The following SBNO2 variants were observed in gnomAD, a reference collection of about 807,000 sequenced individuals.
SBNO2 encodes strawberry notch homolog 2, also known as protein strawberry notch homolog 2.
SBNO2 carries 89 observed loss-of-function variants against 146.3 expected under a neutral mutation model. The observed-to-expected ratio is 0.61, with a 90% CI of 0.51 to 0.73. SBNO2 has a LOEUF of 0.73. Ranked by LOEUF, SBNO2 falls within the 30% of genes least tolerant of loss-of-function variation. The pLI is 0.00. For missense variants in SBNO2, 2,092 were observed against 2,003.7 expected (o/e 1.04, Z -0.84); for synonymous variants, 1,147 against 892.6 (o/e 1.29, Z -5.08).
At chr19:1,123,770 G>T in intron 6 of SBNO2, 131 bp from the exon 7 acceptor site, 1 of 1,076,016 alleles carries the variant, frequency 9.3e-7, no homozygotes, top group South Asian at 1.5e-5. Flanking sequence ...GGCTCTGTCT[G>T]CCCCTGCAGC....
In SBNO2 at chr19:1,108,279, C is replaced by T; in HGVS notation, c.4042G>A (p.Glu1348Lys). 2 of 1,510,706 alleles carry T rather than the reference C, an allele frequency of 1.3e-6. No individual in the cohort carries two copies. Among genetic ancestry groups the T allele is most frequent in the Non-Finnish European group, 1.8e-6 (2 of 1,127,760 alleles). The allele number at this position is 1,510,706 out of a possible 1,614,324, so 93.6% of individuals were successfully genotyped here. A position where few individuals can be genotyped will look rare whatever the true frequency, so the allele number is the denominator to read the frequency against. The change falls in exon 32 of 32, where the codon GAG (glutamate) becomes AAG (lysine). Residue 1348 changes from glutamate (E) to lysine (K), a missense_variant. By Grantham distance (56) the Glu-to-Lys change is moderately conservative (BLOSUM62 1). Coordinates refer to ENST00000361757, the MANE Select transcript of SBNO2 (RefSeq NM_014963.3). ...GAGGAAGGGPERQSVIQFSPP... is the reference protein window; with the variant it reads ...GAGGAAGGGPKRQSVIQFSPP... ...CTGAACTGGATCACGCTCTGCCGCT[C>T]GGGACCACCGCCCGCCGCGCCCCCC... is the stretch of plus-strand genomic sequence containing the variant.
chr19:1,162,099 A>G (rs1170657867), intron 1 of SBNO2, among the ~76,000 whole-genome samples: 3 of 145,602 alleles, frequency 2.1e-5, no homozygotes, highest in African/African-American at 7.7e-5. Context: ...CACAGGGCTC[A>G]GGGACCACTC....
chr19:1,108,749 G>A (rs1276204765), intron 31 of SBNO2, 30 bp downstream of exon 31: 2 of 1,592,758 alleles, frequency 1.3e-6, no homozygotes, highest in Non-Finnish European at 1.7e-6. Context: ...GGGGGCTCGG[G>A]CCTTCCCGGG....
Position 1,144,252 on chromosome 19 carries a change from A to C in SBNO2, c.279+3057T>G, listed in dbSNP as rs1445086770. Among the ~76,000 whole-genome samples the C allele has an allele frequency of 6.6e-6, 1 of 151,088 alleles. No individual in the cohort carries two copies. The highest frequency in any genetic ancestry group is 2.4e-5 in the African/African-American group (1 of 40,986). On this transcript the variant is annotated intron_variant, in intron 4 of 31. Transcript: ENST00000361757. The surrounding 1 kb of genome is among the most constrained non-coding windows in gnomAD (Gnocchi z 4.1). ...CTGACCCACACCCGTCCCATCCCAC[A>C]CTCAGCACTGGGGGACCACGCGGCC...
At chr19:1,111,954 C>T (rs776329877) in intron 23 of SBNO2, 42 bp downstream of exon 23, 16 of 1,537,898 alleles carry the variant, frequency 1.0e-5, no homozygotes, top group Admixed American at 1.8e-5. Context: ...CCCTAGACCC[C>T]TGCCCCTGCC....
chr19:1,147,325 G>A lies in SBNO2; in HGVS notation c.263C>T (p.Thr88Ile). The A allele has an allele frequency of 6.3e-7, 1 of 1,576,964 alleles. No homozygotes were observed. The highest frequency in any genetic ancestry group is 1.2e-5 in the South Asian group (1 of 86,258). Residue 88 changes from threonine (T) to isoleucine (I), a missense_variant, in exon 4 of 32, where the codon ACC becomes ATC. By Grantham distance (89) the Thr-to-Ile change is moderately conservative. Transcript: ENST00000361757. ...GGCTCCTACCTGAGCAAAGTCGCAG[G>A]TCTTTGGTGGCAAGCTGGAGGCGGT... The part of the protein sequence containing the change: ...VATASSLPPK[T>I]CDFAQDSSYF...
intron 1 of SBNO2, among the ~76,000 whole-genome samples, chr19:1,159,355 C>T (rs1264439259): frequency 1.3e-5 from 2 of 151,000 alleles, no homozygotes; most frequent in African/African-American, 2.4e-5. Flanking sequence ...CAGAGCGCTT[C>T]GTCCCTCAAC....
intron 1 of SBNO2, among the ~76,000 whole-genome samples, chr19:1,172,834 C>A (rs2080493838): frequency 6.8e-6 from 1 of 147,698 alleles, no homozygotes; most frequent in Non-Finnish European, 1.5e-5. Flanking sequence ...GCTCCGAGGC[C>A]GGGCACTCTC....
intron 17 of SBNO2, chr19:1,115,659 C>G (rs2145203629): frequency 2.8e-6 from 1 of 352,266 alleles, no homozygotes; most frequent in South Asian, 3.5e-5. Flanking sequence ...TCTGGGCTTC[C>G]CTGTGACAGA....
At chr19:1,132,335 G>A in intron 4 of SBNO2, 1 of 1,268,898 alleles carries the variant, frequency 7.9e-7, no homozygotes, top group Non-Finnish European at 1.0e-6. Context: ...TTCAGGAAAT[G>A]ATGCCGGCCC....
chr19:1,136,625 C>G lies in SBNO2; in HGVS notation c.280-8860G>C, dbSNP rs772691689. Among the ~76,000 whole-genome samples the G allele has an allele frequency of 5.4e-4, 83 of 152,338 alleles. No individual in the cohort carries two copies. The highest frequency in any genetic ancestry group is 7.6e-4 in the Non-Finnish European group (52 of 68,016). On this transcript the variant is annotated intron_variant, in intron 4 of 31. Coordinates refer to ENST00000361757, the MANE Select transcript of SBNO2 (RefSeq NM_014963.3). This position sits in a 1 kb window ranked among gnomAD's most constrained non-coding sequence, Gnocchi z 4.2. ...CAAAGACTTCCTGTAAGAAATCCCC[C>G]TCTCCCTCTCCCTCCTTCGCTCCCT...
intron 4 of SBNO2, chr19:1,128,359 C>T (rs570844842): frequency 1.5e-5 from 5 of 344,560 alleles, no homozygotes; most frequent in South Asian, 6.4e-5. Context: ...CACACACACA[C>T]GCGCTGCCCA....
At position 1,111,526 on chromosome 19, in the gene SBNO2, C is replaced by A; in HGVS notation, c.2789G>T (p.Gly930Val). The change falls in exon 24 of 32, where the codon GGG becomes GTG. Residue 930 changes from glycine (G) to valine (V), a missense_variant. Gly to Val is a moderately radical substitution (Grantham distance 109). Coordinates refer to ENST00000361757, the MANE Select transcript of SBNO2 (RefSeq NM_014963.3). ...CTTACCCCGGAAGAAGGTGGGGACC[C>A]CTCCAGGGTATCCCTGGGGCACAGG... The part of the protein sequence containing the change: ...KVPVPQGYPG[G>V]VPTFFRDMKQ... 6.3e-7 allele frequency: 1 copy of A among 1,586,108 alleles called. No homozygotes were observed. Among genetic ancestry groups the A allele is most frequent in the Admixed American group, 1.8e-5 (1 of 56,160 alleles).
At chr19:1,146,771 G>A in intron 4 of SBNO2, among the ~76,000 whole-genome samples, 1 of 135,374 alleles carries the variant, frequency 7.4e-6, no homozygotes, top group African/African-American at 2.8e-5. Context: ...TGAGGGTGGG[G>A]GTGGGGTCCG....
chr19:1,145,454 C>A (rs1194825763), intron 4 of SBNO2, among the ~76,000 whole-genome samples: 6 of 125,834 alleles, frequency 4.8e-5, no homozygotes, highest in African/African-American at 1.9e-4. Context: ...GCCTGAGCAA[C>A]AAGAGCAAAA....
Position 1,117,442 on chromosome 19 carries a change from G to A in SBNO2, c.1585C>T (p.Arg529Cys), listed in dbSNP as rs1382240119. The part of the protein sequence containing the change: ...QAADWIGLES[R>C]KSLWGQFWSA... ...CAGAACTGGCCCCACAGGGACTTGCGCGACTCCAGGCCGATCCAGTCGGCC... is the reference window on the plus strand; with the variant it reads ...CAGAACTGGCCCCACAGGGACTTGCACGACTCCAGGCCGATCCAGTCGGCC... The change falls in exon 15 of 32, where the codon CGC becomes TGC. Residue 529 changes from arginine (R) to cysteine (C), a missense_variant. Transcript: ENST00000361757. 4.4e-6 allele frequency: 7 copies of A among 1,589,188 alleles called. No homozygotes were observed. The highest frequency in any genetic ancestry group is 5.1e-6 in the Non-Finnish European group (6 of 1,169,452).
chr19:1,171,837 T>C (rs552456817), intron 1 of SBNO2, among the ~76,000 whole-genome samples: 1 of 152,290 alleles, frequency 6.6e-6, no homozygotes, highest in African/African-American at 2.4e-5. Flanking sequence ...GGGCAGTGAC[T>C]GCCCATGGTC....
Position 1,123,552 on chromosome 19 carries a change from C to A in SBNO2, c.610G>T (p.Asp204Tyr). The A allele has an allele frequency of 6.2e-7, 1 of 1,613,456 alleles. No homozygotes were observed. The highest frequency in any genetic ancestry group is 8.5e-7 in the Non-Finnish European group (1 of 1,179,754). ...EELGHTETYADYVPSKSKIGK... is the reference protein window; with the variant it reads ...EELGHTETYAYYVPSKSKIGK... ...CACTCACACTTGGACGGCACGTAGT[C>A]GGCGTAGGTCTCTGTGTGCCCCAGC... Residue 204 changes from aspartate to tyrosine, a missense_variant, in exon 7 of 32, where the codon GAC becomes TAC. By Grantham distance (160) the Asp-to-Tyr change is radical. Coordinates refer to ENST00000361757, the MANE Select transcript of SBNO2 (RefSeq NM_014963.3).
intron 23 of SBNO2, 148 bp downstream of exon 23, chr19:1,111,848 C>T: frequency 3.5e-6 from 3 of 860,836 alleles, no homozygotes; most frequent in Non-Finnish European, 5.3e-6. Context: ...CCCCTTCCCC[C>T]CTGGGGGTCC....
Sources: gnomAD v4.1 joint callset for allele counts (sites outside exome capture counted in the v4.1 genomes callset) on GRCh38, gnomAD v4.1.1 for gene constraint, Gnocchi (gnomAD v3.1) non-coding constraint, MANE v1.5 for transcripts, NCBI Gene and HGNC (gene_info 2026-07-23, HGNC 2026-07-21) for gene names.